MYH10: variants seen among roughly 807,000 people sequenced by gnomAD.
MYH10 encodes myosin heavy chain 10.
MYH10 carries 55 observed loss-of-function variants against 257.8 expected under a neutral mutation model. The ratio of observed to expected loss-of-function variants is 0.21; its 90% CI spans 0.17 to 0.27. The LOEUF (loss-of-function observed/expected upper bound fraction) is 0.27. Among genes scored for constraint, MYH10 ranks in the 10% least tolerant of loss-of-function variants. The pLI is 1.00. For missense variants in MYH10, 1,631 were observed against 2,500.6 expected (o/e 0.65, Z 7.42); for synonymous variants, 854 against 921.7 (o/e 0.93, Z 1.33).
intron 21 of MYH10, among the ~76,000 whole-genome samples, chr17:8,516,197 G>A (rs2081463390): frequency 6.6e-6 from 1 of 152,206 alleles, no homozygotes; most frequent in African/African-American, 2.4e-5. Context: ...ATCTCCGAGT[G>A]TTTGGAAAGT....
chr17:8,522,956 C>T (rs748245385), intron 17 of MYH10, among the ~76,000 whole-genome samples: 12 of 152,222 alleles, frequency 7.9e-5, no homozygotes, highest in Non-Finnish European at 1.6e-4. Context: ...TACCCTACTT[C>T]CCCCTCACTA....
In MYH10 at chr17:8,496,358, C is replaced by T. The variant is rs552145572; in HGVS notation, c.3952-1117G>A. Among the ~76,000 whole-genome samples the T allele has an allele frequency of 2.6e-5, 4 of 152,322 alleles. No individual in the cohort carries two copies. The East Asian group carries it at 7.7e-4, about 29-fold the overall frequency. ...AGCAACATCCTTCACAGAGCTCACA[C>T]TTCATCAGTCTTGGGAACAGTGTGG... is the stretch of plus-strand genomic sequence containing the variant. On this transcript the variant is annotated intron_variant, in intron 30 of 42. Transcript: ENST00000360416.
At chr17:8,594,548 C>G (rs1264645674) in intron 3 of MYH10, among the ~76,000 whole-genome samples, 2 of 152,174 alleles carry the variant, frequency 1.3e-5, no homozygotes, top group African/African-American at 4.8e-5. Flanking sequence ...AAACACACAT[C>G]TACCATATGA....
intron 16 of MYH10, among the ~76,000 whole-genome samples, chr17:8,533,994 C>T (rs892392704): frequency 3.9e-5 from 6 of 152,312 alleles, no homozygotes; most frequent in Admixed American, 6.5e-5. Context: ...AACTCACCAG[C>T]GCTGGCCTTT....
intron 13 of MYH10, among the ~76,000 whole-genome samples, chr17:8,542,786 T>C (rs1323257979): frequency 6.6e-6 from 1 of 152,128 alleles, no homozygotes; most frequent in Admixed American, 6.5e-5. Context: ...TAAGGTGAGG[T>C]AGGAAAAGAG....
chr17:8,550,109 C>A (rs2082577485), intron 9 of MYH10, among the ~76,000 whole-genome samples: 1 of 150,510 alleles, frequency 6.6e-6, no homozygotes, highest in African/African-American at 2.5e-5. Flanking sequence ...CCGGCCGCCA[C>A]CCCGTCTGGG....
intron 1 of MYH10, among the ~76,000 whole-genome samples, chr17:8,629,418 A>AT (rs990687729): frequency 1.3e-5 from 2 of 149,372 alleles, no homozygotes; most frequent in Non-Finnish European, 3.0e-5. Context: ...AGAAACAGAG[A>AT]TAACGGCTGT....
intron 40 of MYH10, among the ~76,000 whole-genome samples, chr17:8,479,719 T>A (rs539178520): frequency 4.6e-5 from 7 of 152,342 alleles, no homozygotes; most frequent in African/African-American, 1.7e-4. Flanking sequence ...ATATGAAAGC[T>A]GTTAAGCAAT....
In MYH10 at chr17:8,475,464, C is replaced by T. The variant is rs1337995765; in HGVS notation, c.*340G>A. 4.4e-6 allele frequency: 1 copy of T among 226,106 alleles called. No homozygotes were observed. The highest frequency in any genetic ancestry group is 8.8e-6 in the Non-Finnish European group (1 of 113,634). The allele number at this position is 226,106 out of a possible 1,614,324, so 14.0% of individuals were successfully genotyped here. A position where few individuals can be genotyped will look rare whatever the true frequency, so the allele number is the denominator to read the frequency against. Reference sequence around the variant, plus strand: ...GACTGAGTGACGACCACGGCGCTGCCCCAATAACCCAGCGACCCGCAACCA... The same window carrying T: ...GACTGAGTGACGACCACGGCGCTGCTCCAATAACCCAGCGACCCGCAACCA... On this transcript the variant is annotated 3_prime_UTR_variant, in exon 43 of 43. Transcript: ENST00000360416.
At chr17:8,604,017 C>T (rs1567968770) in intron 3 of MYH10, among the ~76,000 whole-genome samples, 1 of 152,128 alleles carries the variant, frequency 6.6e-6, no homozygotes, top group Non-Finnish European at 1.5e-5. Flanking sequence ...CCAAAAAGAA[C>T]TTGCCATGAC....
intron 13 of MYH10, among the ~76,000 whole-genome samples, chr17:8,543,549 A>G (rs1407785682): frequency 1.4e-5 from 2 of 147,572 alleles, no homozygotes; most frequent in East Asian, 4.0e-4. Context: ...ATCTTGGCTC[A>G]CTGCAACCTC....
At chr17:8,604,489 CTAT>C (rs1403293672) in intron 3 of MYH10, among the ~76,000 whole-genome samples, 1 of 152,120 alleles carries the variant, frequency 6.6e-6, no homozygotes, top group African/African-American at 2.4e-5. Flanking sequence ...TCTACCTTTC[CTAT>C]TATTCTTCCT....
intron 3 of MYH10, among the ~76,000 whole-genome samples, chr17:8,602,243 G>A (rs2084637115): frequency 6.6e-6 from 1 of 152,216 alleles, no homozygotes; most frequent in Non-Finnish European, 1.5e-5. Flanking sequence ...CTCCCAAAGT[G>A]CTGGGATTAT....
intron 4 of MYH10, among the ~76,000 whole-genome samples, chr17:8,586,230 T>C (rs1029836143): frequency 6.6e-6 from 1 of 152,234 alleles, no homozygotes; most frequent in Non-Finnish European, 1.5e-5. Flanking sequence ...AGAGGATATA[T>C]GCCTTTTATT....
At chr17:8,566,653 T>C (rs1442689952) in intron 7 of MYH10, among the ~76,000 whole-genome samples, 1 of 152,116 alleles carries the variant, frequency 6.6e-6, no homozygotes, top group Non-Finnish European at 1.5e-5. Flanking sequence ...TAAGAGACCC[T>C]GGGCCAGAGT....
rs1432254666 is a variant in MYH10 at position 8,484,271 on chromosome 17, G to T, written c.5047-5C>A. 30 of 1,599,562 alleles carry T rather than the reference G, an allele frequency of 1.9e-5. No individual in the cohort carries two copies. The highest frequency in any genetic ancestry group is 2.6e-5 in the Non-Finnish European group (30 of 1,176,340). Reference sequence around the variant, plus strand: ...TTGGTAATCCTTCATCTGAGCCTAAGATTAAATAAGAAGGTTTTGGGGTGG... The same window carrying T: ...TTGGTAATCCTTCATCTGAGCCTAATATTAAATAAGAAGGTTTTGGGGTGG... On this transcript the variant is annotated splice_polypyrimidine_tract_variant and splice_region_variant and intron_variant, in intron 36 of 42. Transcript: ENST00000360416.
chr17:8,492,706 A>G, intron 33 of MYH10, 70 bp downstream of exon 33: 4 of 1,543,806 alleles, frequency 2.6e-6, no homozygotes, highest in Non-Finnish European at 2.6e-6. Flanking sequence ...GCCTTTAAAT[A>G]AGATTATTTT....
chr17:8,530,772 C>A lies in MYH10; in HGVS notation c.1895-87G>T. 4 of 1,031,950 alleles carry A rather than the reference C, an allele frequency of 3.9e-6. No individual in the cohort carries two copies. The South Asian group carries it at 6.5e-5, about 17-fold the overall frequency. The allele number at this position is 1,031,950 out of a possible 1,614,324, so 63.9% of individuals were successfully genotyped here. On this transcript the variant is annotated intron_variant, in intron 16 of 42. Coordinates refer to ENST00000360416, the MANE Select transcript of MYH10 (RefSeq NM_001256012.3). ...GTGAAAGACATTTGACAGCACAAGT[C>A]AACTTTGAAATCGGGCTACAAAAGG...
At position 8,512,521 on chromosome 17, in the gene MYH10, C is replaced by G; in HGVS notation, c.2882G>C (p.Arg961Thr). ...GTTTCTTTCTTCTTCTTCTTCAACC[C>G]TAGACTCCAAGTCATGTAGAATCTC... Reference protein sequence around the residue: ...LEEILHDLESRVEEEEERNQI... With the variant: ...LEEILHDLESTVEEEEERNQI... The change falls in exon 24 of 43, where the codon AGG becomes ACG. Residue 961 changes from arginine to threonine, a missense_variant. By Grantham distance (71) the Arg-to-Thr change is moderately conservative. Around this residue, in one of 11 missense-constraint regions of MYH10, gnomAD observed 1 missense variants for 17.7 expected, o/e 0.06. Coordinates refer to ENST00000360416, the MANE Select transcript of MYH10 (RefSeq NM_001256012.3). 1 of 1,613,830 alleles carries G rather than the reference C, an allele frequency of 6.2e-7. No individual in the cohort carries two copies. The highest frequency in any genetic ancestry group is 8.5e-7 in the Non-Finnish European group (1 of 1,179,956).
Sources: allele counts gnomAD v4.1 joint callset (sites outside exome capture counted in the v4.1 genomes callset), GRCh38; gene constraint gnomAD v4.1.1; regional missense constraint gnomAD v4.1.1; transcripts MANE v1.5; gene names NCBI Gene and HGNC (gene_info 2026-07-23, HGNC 2026-07-21).